COL7A1: variants seen among roughly 807,000 people sequenced by gnomAD.
COL7A1 encodes the protein collagen type VII alpha 1 chain, also known as collagen alpha-1(VII) chain.
COL7A1 carries 296 observed loss-of-function variants against 456.2 expected under a neutral mutation model. That is an observed-to-expected ratio of 0.65 (90% CI 0.59 to 0.71). The LOEUF is 0.71. Among genes scored for constraint, COL7A1 ranks in the 30% least tolerant of loss-of-function variants. The pLI is 0.00. For synonymous variants in COL7A1, 1,464 were observed against 1,525.9 expected, an observed-to-expected ratio of 0.96 and a Z score of 0.95; for missense variants, 3,441 against 4,017.2, an observed-to-expected ratio of 0.86 and a Z score of 3.88.
Position 48,579,739 on chromosome 3 carries a change from A to G in COL7A1, c.5154+46T>C. 6.2e-7 allele frequency: 1 copy of G among 1,613,866 alleles called. No individual in the cohort carries two copies. The highest frequency in any genetic ancestry group is 1.1e-5 in the South Asian group (1 of 91,078). On this transcript the variant is annotated intron_variant, in intron 58 of 118. Coordinates refer to ENST00000681320, the MANE Select transcript of COL7A1 (RefSeq NM_000094.4). The surrounding 1 kb of genome is among the most constrained non-coding windows in gnomAD (Gnocchi z 4.4). ...CATGCCCAAGGTAGAACCTGCTGGG[A>G]GGGGCACTGGGGTCTTTCTTACCCT...
Position 48,567,926 on chromosome 3 carries a change from A to T in COL7A1, c.7876-35T>A. The T allele has an allele frequency of 6.2e-7, 1 of 1,613,476 alleles. No individual in the cohort carries two copies. The highest frequency in any genetic ancestry group is 8.5e-7 in the Non-Finnish European group (1 of 1,179,534). On this transcript the variant is annotated intron_variant, in intron 106 of 118. Coordinates refer to ENST00000681320, the MANE Select transcript of COL7A1 (RefSeq NM_000094.4). The surrounding 1 kb of genome is among the most constrained non-coding windows in gnomAD (Gnocchi z 4.3). ...AAAAGCAGATGAAGAAGTGATTCCC[A>T]GACACCTCACTCTGTGACCCCCTTC...
At position 48,587,841 on chromosome 3, in the gene COL7A1, G is replaced by A. The variant is rs1490151134; in HGVS notation, c.2809C>T (p.Leu937=). Residue 937 remains leucine, a synonymous_variant, in exon 22 of 119, where the codon CTA becomes TTA. Coordinates refer to ENST00000681320, the MANE Select transcript of COL7A1 (RefSeq NM_000094.4). This position sits in a 1 kb window ranked among gnomAD's most constrained non-coding sequence, Gnocchi z 6.1. The part of the protein sequence containing the change: ...ATQYRVRLSV[L]GPAGEGPSAE... ...GAGGGCCCTTCTCCAGCTGGCCCTA[G>A]GACACTCAGCCTCACGCGGTACTGT... 2.5e-6 allele frequency: 4 copies of A among 1,613,266 alleles called. No individual in the cohort carries two copies. Among genetic ancestry groups the A allele is most frequent in the South Asian group, 1.1e-5 (1 of 91,068 alleles).
At chr3:48,584,599 G>C in intron 35 of COL7A1, 43 bp from the exon 36 acceptor site, 2 of 1,612,876 alleles carry the variant, frequency 1.2e-6, no homozygotes, top group Non-Finnish European at 1.7e-6. Context: ...GGCTATGGGG[G>C]CCTTGAGCTG....
Position 48,576,509 on chromosome 3 carries a change from C to A in COL7A1, c.5736+13G>T. 1 of 1,612,210 alleles carries A rather than the reference C, an allele frequency of 6.2e-7. No homozygotes were observed. Among genetic ancestry groups the A allele is most frequent in the Non-Finnish European group, 8.5e-7 (1 of 1,179,402 alleles). On this transcript the variant is annotated intron_variant, in intron 69 of 118. Transcript: ENST00000681320. ...CCCCCTCACCACGCCCCCTACCCAA[C>A]ATCCGCACTCACCTTGGGGCCCGTG... is the stretch of plus-strand genomic sequence containing the variant.
chr3:48,591,817 C>A lies in COL7A1; in HGVS notation c.1363G>T (p.Glu455Ter). ...GGCAGTACCACCTTCTGCGGTGGCT[C>A]CAAGCCTGCAAGATAACAGGGTCAG... is the stretch of plus-strand genomic sequence containing the variant. ...RLEWRRETGL[E>*]PPQKVVLPSD... The change falls in exon 12 of 119, where the codon GAG (glutamate) becomes TAG (stop). Residue 455 changes from glutamate (E) to a stop codon, truncating the protein, a stop_gained. Coordinates refer to ENST00000681320, the MANE Select transcript of COL7A1 (RefSeq NM_000094.4). LOFTEE classifies it high-confidence loss of function. This position sits in a 1 kb window ranked among gnomAD's most constrained non-coding sequence, Gnocchi z 7.0. 6.2e-7 allele frequency: 1 copy of A among 1,614,178 alleles called. No individual in the cohort carries two copies. The highest frequency in any genetic ancestry group is 8.5e-7 in the Non-Finnish European group (1 of 1,180,030).
chr3:48,565,274 A>G lies in COL7A1; in HGVS notation c.8528-73T>C. The G allele has an allele frequency of 6.6e-7, 1 of 1,516,946 alleles. No homozygotes were observed. The highest frequency in any genetic ancestry group is 9.1e-7 in the Non-Finnish European group (1 of 1,104,056). 94.0% of individuals were successfully genotyped at this position (1,516,946 alleles called of 1,614,324 possible). A position where few individuals can be genotyped will look rare whatever the true frequency, so the allele number is the denominator to read the frequency against. ...GGCAAGGTGGGCAGCACTGATTTCC[A>G]CTGTGTGCACACAGTGCCCATGCGT... On this transcript the variant is annotated intron_variant, in intron 116 of 118. Transcript: ENST00000681320. The surrounding 1 kb of genome is among the most constrained non-coding windows in gnomAD (Gnocchi z 4.5).
Position 48,565,480 on chromosome 3 carries a change from A to C in COL7A1, c.8457T>G (p.Tyr2819Ter), listed in dbSNP as rs751768659. Residue 2819 changes from tyrosine (Y) to a stop codon, truncating the protein, a stop_gained, in exon 116 of 119, where the codon TAT (tyrosine) becomes TAG (stop). Coordinates refer to ENST00000681320, the MANE Select transcript of COL7A1 (RefSeq NM_000094.4). LOFTEE classifies it high-confidence loss of function. The surrounding 1 kb of genome is among the most constrained non-coding windows in gnomAD (Gnocchi z 4.5). ...IASGSRPLPS[Y>*]AADTAGSQLH... ...GCTGGGAGCCGGCAGTGTCTGCAGC[A>C]TAACTAGGGAGGGGTCCTGGAGCCA... 1.2e-6 allele frequency: 2 copies of C among 1,613,584 alleles called. No individual in the cohort carries two copies. Among genetic ancestry groups the C allele is most frequent in the Non-Finnish European group, 1.7e-6 (2 of 1,179,720 alleles).
At position 48,573,740 on chromosome 3, in the gene COL7A1, A is replaced by G. The variant is rs1368587509; in HGVS notation, c.6538-15T>C. On this transcript the variant is annotated splice_polypyrimidine_tract_variant and intron_variant, in intron 81 of 118. Transcript: ENST00000681320. The surrounding 1 kb of genome is among the most constrained non-coding windows in gnomAD (Gnocchi z 5.5). Reference sequence around the variant, plus strand: ...CCATGACCACCCTGTTGTGGCGAAAAAGAGTCTGATGAGGGGGAGTTAGCC... The same window carrying G: ...CCATGACCACCCTGTTGTGGCGAAAGAGAGTCTGATGAGGGGGAGTTAGCC... 1 of 1,613,674 alleles carries G rather than the reference A, an allele frequency of 6.2e-7. No individual in the cohort carries two copies. The highest frequency in any genetic ancestry group is 8.5e-7 in the Non-Finnish European group (1 of 1,179,854).
rs1215655630 is a variant in COL7A1 at position 48,572,804 on chromosome 3, A to G, written c.6831+58T>C. 2.5e-6 allele frequency: 4 copies of G among 1,613,260 alleles called. No individual in the cohort carries two copies. Among genetic ancestry groups the G allele is most frequent in the Non-Finnish European group, 2.5e-6 (3 of 1,179,450 alleles). On this transcript the variant is annotated intron_variant, in intron 87 of 118. Transcript: ENST00000681320. The surrounding 1 kb of genome is among the most constrained non-coding windows in gnomAD (Gnocchi z 4.6). ...CACCACCCCTGCTGCCCCACTCCTC[A>G]TATTTCAGGCCCACAGCTGGGCACC... is the stretch of plus-strand genomic sequence containing the variant.
chr3:48,567,029 G>T lies in COL7A1; in HGVS notation c.8110-6C>A, dbSNP rs750690448. ...CCCCCAATTCCTGGGGTTCCCTGGG[G>T]AGATATAGGACAGAGTCAGTAATCA... On this transcript the variant is annotated splice_polypyrimidine_tract_variant and splice_region_variant and intron_variant, in intron 110 of 118. Transcript: ENST00000681320. The surrounding 1 kb of genome is among the most constrained non-coding windows in gnomAD (Gnocchi z 4.3). 14 of 1,613,338 alleles carry T rather than the reference G, an allele frequency of 8.7e-6. No homozygotes were observed. The African/African-American group carries it at 1.5e-4, about 17-fold the overall frequency.
At position 48,585,227 on chromosome 3, in the gene COL7A1, G is replaced by T; in HGVS notation, c.3895-111C>A. 3 of 1,046,006 alleles carry T rather than the reference G, an allele frequency of 2.9e-6. No homozygotes were observed. The highest frequency in any genetic ancestry group is 4.3e-6 in the Non-Finnish European group (3 of 701,820). 64.8% of individuals were successfully genotyped at this position (1,046,006 alleles called of 1,614,324 possible). A position where few individuals can be genotyped will look rare whatever the true frequency, so the allele number is the denominator to read the frequency against. On this transcript the variant is annotated intron_variant, in intron 32 of 118. Coordinates refer to ENST00000681320, the MANE Select transcript of COL7A1 (RefSeq NM_000094.4). This position sits in a 1 kb window ranked among gnomAD's most constrained non-coding sequence, Gnocchi z 4.5. ...GGTCGCCTACCCCACTGACCCCCAA[G>T]TGTTATTGGGGGTGGAACAGTGAGG...
chr3:48,579,280 G>A lies in COL7A1; in HGVS notation c.5308-3C>T. On this transcript the variant is annotated splice_region_variant and splice_polypyrimidine_tract_variant and intron_variant, in intron 61 of 118. Transcript: ENST00000681320. The surrounding 1 kb of genome is among the most constrained non-coding windows in gnomAD (Gnocchi z 4.4). ...AGCCCAGGGGGACCCCGGTCACCCT[G>A]TGGAAAATAGAGTGGTAAGAGGCCA... The A allele has an allele frequency of 1.2e-6, 2 of 1,614,118 alleles. No individual in the cohort carries two copies. Among genetic ancestry groups the A allele is most frequent in the East Asian group, 2.2e-5 (1 of 44,874 alleles).
rs766457903 is a variant in COL7A1 at position 48,573,180 on chromosome 3, G to A, written c.6708C>T (p.Gly2236=). ...GCCACAGGGACTCACTCACCACAAG[G>A]CCTGAAGGGCCGGGGGGTCCAGGAA... The part of the protein sequence containing the change: ...VGLPGPPGPS[G]LVGPQGSPGL... Residue 2236 remains glycine (G), a synonymous_variant, in exon 85 of 119, where the codon GGC becomes GGT. Transcript: ENST00000681320. The surrounding 1 kb of genome is among the most constrained non-coding windows in gnomAD (Gnocchi z 5.5). 6 of 1,614,080 alleles carry A rather than the reference G, an allele frequency of 3.7e-6. No individual in the cohort carries two copies. The East Asian group carries it at 1.3e-4, about 36-fold the overall frequency.
At position 48,588,057 on chromosome 3, in the gene COL7A1, T is replaced by G. The variant is rs1575478331; in HGVS notation, c.2711-118A>C. The G allele has an allele frequency of 5.1e-6, 7 of 1,373,028 alleles. No individual in the cohort carries two copies. The East Asian group carries it at 1.8e-4, about 34-fold the overall frequency. 85.1% of individuals were successfully genotyped at this position (1,373,028 alleles called of 1,614,324 possible). A position where few individuals can be genotyped will look rare whatever the true frequency, so the allele number is the denominator to read the frequency against. The stretch of plus-strand genomic sequence containing the variant: ...CTGGGTTCACCCTCCTGACTGATCT[T>G]CCTCATCCTCACTGACCCTGCCCAC... On this transcript the variant is annotated intron_variant, in intron 21 of 118. Coordinates refer to ENST00000681320, the MANE Select transcript of COL7A1 (RefSeq NM_000094.4). The surrounding 1 kb of genome is among the most constrained non-coding windows in gnomAD (Gnocchi z 4.6).
rs766627776 is a variant in COL7A1, at chr3:48,567,233, C to T, written c.8047-43G>A. The T allele has an allele frequency of 3.1e-6, 5 of 1,610,470 alleles. No individual in the cohort carries two copies. In the Admixed American group the frequency reaches 6.7e-5, roughly 21 times the overall value. On this transcript the variant is annotated intron_variant, in intron 109 of 118. Coordinates refer to ENST00000681320, the MANE Select transcript of COL7A1 (RefSeq NM_000094.4). The surrounding 1 kb of genome is among the most constrained non-coding windows in gnomAD (Gnocchi z 4.3). ...ATGAGAGACCTTCTGCCCTGACCTC[C>T]CTCAGCTCTGGAACCTCCCTGAACT...
At position 48,569,880 on chromosome 3, in the gene COL7A1, C is replaced by T. The variant is rs1047600527; in HGVS notation, c.7521G>A (p.Lys2507=). The part of the protein sequence containing the change: ...PPGSRGERGE[K]GDVGSAGLKG... ...GCCAGGACCTTCCCCACGTTCCTAC[C>T]TTCTCCCCACGCTCTCCCCTGCTGC... Residue 2507 remains lysine (K), a splice_region_variant and synonymous_variant, in exon 100 of 119, where the codon AAG becomes AAA. Coordinates refer to ENST00000681320, the MANE Select transcript of COL7A1 (RefSeq NM_000094.4). The surrounding 1 kb of genome is among the most constrained non-coding windows in gnomAD (Gnocchi z 4.9). The T allele has an allele frequency of 5.0e-6, 8 of 1,614,026 alleles. No individual in the cohort carries two copies. The highest frequency in any genetic ancestry group is 6.8e-6 in the Non-Finnish European group (8 of 1,180,018).
At chr3:48,582,693 G>A (rs1218484340) in intron 44 of COL7A1, 40 bp from the exon 45 acceptor site, 2 of 1,609,450 alleles carry the variant, frequency 1.2e-6, no homozygotes, top group Non-Finnish European at 1.7e-6. Flanking sequence ...GGTGGGTGGG[G>A]ACGGGGGATA....
intron 18 of COL7A1, 95 bp downstream of exon 18, chr3:48,589,232 G>T: frequency 1.3e-6 from 2 of 1,578,162 alleles, no homozygotes; most frequent in Non-Finnish European, 1.7e-6. Context: ...GACAGTCACT[G>T]AGCAGGGGGG....
chr3:48,572,945 G>A lies in COL7A1; in HGVS notation c.6751-3C>T, dbSNP rs764237628. ...GCTCCCGGCTTCCCTGTCTCCCCCT[G>A]AGAGGGAAGAGCTCTGTCAGGGCTG... is the stretch of plus-strand genomic sequence containing the variant. On this transcript the variant is annotated splice_region_variant and splice_polypyrimidine_tract_variant and intron_variant, in intron 86 of 118. Transcript: ENST00000681320. This position sits in a 1 kb window ranked among gnomAD's most constrained non-coding sequence, Gnocchi z 4.6. 3 of 1,613,854 alleles carry A rather than the reference G, an allele frequency of 1.9e-6. No individual in the cohort carries two copies. The highest frequency in any genetic ancestry group is 2.2e-5 in the South Asian group (2 of 91,080).
Sources: gnomAD v4.1 joint callset for allele counts on GRCh38, gnomAD v4.1.1 for gene constraint, Gnocchi (gnomAD v3.1) non-coding constraint, MANE v1.5 for transcripts, NCBI Gene and HGNC (gene_info 2026-07-23, HGNC 2026-07-21) for gene names.